The following GABRG3 variants were observed in gnomAD, a reference collection of about 807,000 sequenced individuals.
GABRG3 encodes gamma-aminobutyric acid type A receptor subunit gamma3.
In GABRG3, 25 loss-of-function variants were observed where a neutral mutation model predicts 48.8. That is an observed-to-expected ratio of 0.51 (90% CI 0.37 to 0.72). The LOEUF (loss-of-function observed/expected upper bound fraction) is 0.72. GABRG3 is among the 30% of genes least tolerant of loss of function. The pLI is 0.00. For synonymous variants in GABRG3, 227 were observed against 217.6 expected, an observed-to-expected ratio of 1.04 and a Z score of -0.38; for missense variants, 394 against 577.9, an observed-to-expected ratio of 0.68 and a Z score of 3.26.
At chr15:27,354,094 A>G (rs1894749120) in intron 5 of GABRG3, among the ~76,000 whole-genome samples, 1 of 152,126 alleles carries the variant, frequency 6.6e-6, no homozygotes, top group South Asian at 2.1e-4. Flanking sequence ...GCCTGTACCG[A>G]CTAAGAAGCT....
intron 2 of GABRG3, among the ~76,000 whole-genome samples, chr15:26,990,282 A>G (rs528239074): frequency 7.2e-4 from 110 of 152,238 alleles, no homozygotes; most frequent in African/African-American, 2.5e-3. Flanking sequence ...CCTTGCCAGC[A>G]TTTGTTATTG....
Position 27,534,461 on chromosome 15 carries a change from C to T in GABRG3, c.*1580C>T, listed in dbSNP as rs998111134. 1.3e-5 allele frequency: 2 copies of T among 152,170 alleles called. No homozygotes were observed. Among genetic ancestry groups the T allele is most frequent in the African/African-American group, 4.8e-5 (2 of 41,440 alleles). 9.4% of individuals were successfully genotyped at this position (152,170 alleles called of 1,614,324 possible). On this transcript the variant is annotated 3_prime_UTR_variant, in exon 10 of 10. Transcript: ENST00000615808. ...AACTTCTCCTCACCAATAGGCAAAA[C>T]ACAAGTCCTACCAGTTAGTTAATAA...
At chr15:27,328,657 C>A in intron 4 of GABRG3, 149 bp from the exon 5 acceptor site, 1 of 634,454 alleles carries the variant, frequency 1.6e-6, no homozygotes, top group Non-Finnish European at 2.9e-6. Context: ...ACAGTCTCAC[C>A]GTGAATGGTT....
Position 27,447,960 on chromosome 15 carries a change from CT to C in GABRG3, c.575-32689del, listed in dbSNP as rs1165559357. On this transcript the variant is annotated intron_variant, in intron 5 of 9. Coordinates refer to ENST00000615808, the MANE Select transcript of GABRG3 (RefSeq NM_033223.5). The surrounding 1 kb of genome is among the most constrained non-coding windows in gnomAD (Gnocchi z 4.0). Reference sequence around the variant, plus strand: ...GCACGTGTATACCTATGTAGCAAACCTGTATGTTCTGCACATGTATCCCAGA... The same window carrying C: ...GCACGTGTATACCTATGTAGCAAACCGTATGTTCTGCACATGTATCCCAGA... Among the ~76,000 whole-genome samples, 1 of 152,070 alleles carries C rather than the reference CT, an allele frequency of 6.6e-6. No homozygotes were observed. Among genetic ancestry groups the C allele is most frequent in the Non-Finnish European group, 1.5e-5 (1 of 68,006 alleles).
At chr15:27,083,645 A>C (rs1389010069) in intron 3 of GABRG3, among the ~76,000 whole-genome samples, 2 of 152,110 alleles carry the variant, frequency 1.3e-5, no homozygotes, top group Non-Finnish European at 2.9e-5. Flanking sequence ...ATTTTCAATT[A>C]ATTCCCATGA....
chr15:27,483,784 G>A (rs1260808620), intron 6 of GABRG3, among the ~76,000 whole-genome samples: 1 of 152,154 alleles, frequency 6.6e-6, no homozygotes, highest in Non-Finnish European at 1.5e-5. Flanking sequence ...ACTTCTGACT[G>A]GCACAGCAGT....
At chr15:27,130,198 T>C (rs1050125502) in intron 3 of GABRG3, among the ~76,000 whole-genome samples, 14 of 152,138 alleles carry the variant, frequency 9.2e-5, no homozygotes, top group Admixed American at 2.6e-4. Context: ...TATATGTAGG[T>C]CTTTGTTAAA....
chr15:27,322,378 C>T (rs934177563), intron 3 of GABRG3, among the ~76,000 whole-genome samples: 10 of 152,138 alleles, frequency 6.6e-5, no homozygotes, highest in Non-Finnish European at 1.5e-4. Context: ...GGGATTCCCG[C>T]CTTGCTCTGC....
At chr15:27,347,028 C>T (rs1052044870) in intron 5 of GABRG3, among the ~76,000 whole-genome samples, 1 of 117,866 alleles carries the variant, frequency 8.5e-6, no homozygotes, top group Non-Finnish European at 1.8e-5. Context: ...TTTTTTAAAG[C>T]TAGACACACC....
chr15:27,455,759 GTATGTGTGC>G (rs1453789059), intron 5 of GABRG3, among the ~76,000 whole-genome samples: 1 of 151,598 alleles, frequency 6.6e-6, no homozygotes, highest in African/African-American at 2.4e-5. Flanking sequence ...TGTGTGGTGT[GTATGTGTGC>G]TATGTGTGTG....
At chr15:27,044,441 T>C (rs1896329341) in intron 3 of GABRG3, among the ~76,000 whole-genome samples, 1 of 152,216 alleles carries the variant, frequency 6.6e-6, no homozygotes, top group Non-Finnish European at 1.5e-5. Context: ...AACTTGTTGA[T>C]ATCCATTGTT....
intron 6 of GABRG3, among the ~76,000 whole-genome samples, chr15:27,503,308 C>T (rs1375065452): frequency 6.6e-6 from 1 of 152,138 alleles, no homozygotes; most frequent in African/African-American, 2.4e-5. Context: ...AGCGGACCAC[C>T]ACAACCATAA....
At chr15:27,523,438 G>C (rs183379725) in intron 7 of GABRG3, among the ~76,000 whole-genome samples, 1 of 151,494 alleles carries the variant, frequency 6.6e-6, no homozygotes, top group Non-Finnish European at 1.5e-5. Flanking sequence ...CTACTTTAAA[G>C]ATTTTCTATA....
At chr15:27,061,823 T>A (rs961917481) in intron 3 of GABRG3, among the ~76,000 whole-genome samples, 1 of 152,128 alleles carries the variant, frequency 6.6e-6, no homozygotes, top group African/African-American at 2.4e-5. Flanking sequence ...CCGGGCCTGG[T>A]GGAAGCCTCA....
intron 3 of GABRG3, among the ~76,000 whole-genome samples, chr15:27,271,306 T>A (rs1390426527): frequency 1.3e-5 from 2 of 152,292 alleles, no homozygotes; most frequent in South Asian, 2.1e-4. Flanking sequence ...CTTTGAGGTG[T>A]GTGTGGCTCT....
intron 3 of GABRG3, among the ~76,000 whole-genome samples, chr15:27,098,521 A>G (rs552707380): frequency 9.2e-5 from 14 of 152,278 alleles, no homozygotes; most frequent in African/African-American, 3.4e-4. Context: ...CTTTTTTTAA[A>G]GCCAACTTGA....
intron 3 of GABRG3, among the ~76,000 whole-genome samples, chr15:27,124,504 T>C (rs1022884908): frequency 6.6e-6 from 1 of 152,168 alleles, no homozygotes; most frequent in Non-Finnish European, 1.5e-5. Context: ...TAATTTACAG[T>C]GTGATCCGGG....
intron 6 of GABRG3, among the ~76,000 whole-genome samples, chr15:27,515,353 C>T (rs1390312191): frequency 1.3e-5 from 2 of 152,046 alleles, no homozygotes; most frequent in East Asian, 3.9e-4. Flanking sequence ...CCCGGCTTCC[C>T]AAATTGCTGG....
chr15:27,125,828 A>G (rs553692883), intron 3 of GABRG3, among the ~76,000 whole-genome samples: 1 of 152,246 alleles, frequency 6.6e-6, no homozygotes, highest in Admixed American at 6.5e-5. Context: ...GGTTGTGTGC[A>G]CTGTGGCACT....
Sources: gnomAD v4.1 joint callset for allele counts (sites outside exome capture counted in the v4.1 genomes callset) on GRCh38, gnomAD v4.1.1 for gene constraint, Gnocchi (gnomAD v3.1) non-coding constraint, MANE v1.5 for transcripts, NCBI Gene and HGNC (gene_info 2026-07-23, HGNC 2026-07-21) for gene names.